The following MAP3K4 variants were observed in gnomAD, a reference collection of about 807,000 sequenced individuals.
MAP3K4 encodes mitogen-activated protein kinase kinase kinase 4.
Under a neutral mutation model 185.6 loss-of-function variants are expected in MAP3K4, and 67 were observed. The observed-to-expected ratio is 0.36, with a 90% CI of 0.30 to 0.44. The LOEUF (loss-of-function observed/expected upper bound fraction) is 0.44. Ranked by LOEUF, MAP3K4 falls within the 20% of genes least tolerant of loss-of-function variation. The pLI, the probability that MAP3K4 is intolerant of heterozygous loss-of-function variation, is 1.00. For synonymous variants in MAP3K4, 702 were observed against 710.4 expected (o/e 0.99, Z 0.19); for missense variants, 1,551 against 1,995.1 (o/e 0.78, Z 4.24).
chr6:161,055,376 C>G (rs1784182983), intron 3 of MAP3K4, among the ~76,000 whole-genome samples: 1 of 152,142 alleles, frequency 6.6e-6, no homozygotes. Context: ...CTACTGCATA[C>G]AATTGTATTT....
Position 161,087,975 on chromosome 6 carries a change from T to C in MAP3K4, c.2823+21T>C. On this transcript the variant is annotated intron_variant, in intron 10 of 26. Transcript: ENST00000392142. This position sits in a 1 kb window ranked among gnomAD's most constrained non-coding sequence, Gnocchi z 4.9. Reference sequence around the variant, plus strand: ...TGCAGGTACAGCTCATCTCCATCTTTGCAGCAGTGTTACTTCAAGGACTTT... The same window carrying C: ...TGCAGGTACAGCTCATCTCCATCTTCGCAGCAGTGTTACTTCAAGGACTTT... The C allele has an allele frequency of 6.3e-7, 1 of 1,593,720 alleles. No individual in the cohort carries two copies. Among genetic ancestry groups the C allele is most frequent in the South Asian group, 1.1e-5 (1 of 87,068 alleles).
chr6:161,081,214 T>G (rs564544926), intron 6 of MAP3K4, among the ~76,000 whole-genome samples, 176 bp downstream of exon 6: 27 of 151,740 alleles, frequency 1.8e-4, no homozygotes, highest in African/African-American at 6.0e-4. Context: ...TCAGGGGTGA[T>G]TTTTTCCCCT....
At chr6:161,040,735 A>G (rs975785926) in intron 2 of MAP3K4, among the ~76,000 whole-genome samples, 4 of 152,248 alleles carry the variant, frequency 2.6e-5, no homozygotes. Context: ...GAACAGAGAT[A>G]GTCCCCCAAC....
rs746273586 is a variant in MAP3K4 at position 161,067,120 on chromosome 6, G to T, written c.1708-3488G>T. ...TTTTGCCAAGGTCAAGGATGTGTGCGCCTGTGACACAGCCTCAGGACGTCC... is the reference window on the plus strand; with the variant it reads ...TTTTGCCAAGGTCAAGGATGTGTGCTCCTGTGACACAGCCTCAGGACGTCC... On this transcript the variant is annotated intron_variant, in intron 3 of 26. Transcript: ENST00000392142. This position sits in a 1 kb window ranked among gnomAD's most constrained non-coding sequence, Gnocchi z 6.3. 5 of 205,660 alleles carry T rather than the reference G, an allele frequency of 2.4e-5. No individual in the cohort carries two copies. The highest frequency in any genetic ancestry group is 5.2e-5 in the Non-Finnish European group (5 of 96,646). 12.7% of individuals were successfully genotyped at this position (205,660 alleles called of 1,614,324 possible).
At position 161,116,216 on chromosome 6, in the gene MAP3K4, G is replaced by A. The variant is rs1325580837; in HGVS notation, c.4807-634G>A. Among the ~76,000 whole-genome samples, 1 of 152,048 alleles carries A rather than the reference G, an allele frequency of 6.6e-6. No individual in the cohort carries two copies. The highest frequency in any genetic ancestry group is 2.4e-5 in the African/African-American group (1 of 41,408). ...GAAGCAGCTGGGTGAGGGGTGGGTC[G>A]GGAGGTGGTGGGTCCTCTTTGGTGG... On this transcript the variant is annotated intron_variant, in intron 26 of 26. Transcript: ENST00000392142. This position sits in a 1 kb window ranked among gnomAD's most constrained non-coding sequence, Gnocchi z 6.2.
chr6:161,005,816 C>A (rs1781557137), intron 1 of MAP3K4, among the ~76,000 whole-genome samples: 1 of 152,090 alleles, frequency 6.6e-6, no homozygotes, highest in Non-Finnish European at 1.5e-5. Context: ...GAGACAGAGT[C>A]TTGCTCTGTC....
rs149051863 is a variant in MAP3K4, at chr6:161,107,945, C to T, written c.4095C>T (p.Thr1365=). 69 of 1,613,928 alleles carry T rather than the reference C, an allele frequency of 4.3e-5. No individual in the cohort carries two copies. The African/African-American group carries it at 5.7e-4, about 13-fold the overall frequency. The change falls in exon 21 of 27, where the codon ACC becomes ACT. Residue 1365 remains threonine, a synonymous_variant. Coordinates refer to ENST00000392142, the MANE Select transcript of MAP3K4 (RefSeq NM_005922.4). The surrounding 1 kb of genome is among the most constrained non-coding windows in gnomAD (Gnocchi z 6.2). ...TGTACACCTGCATCAGCGTCGACACCGGGGAGCTGATGGCCATGAAAGAGG... is the reference window on the plus strand; with the variant it reads ...TGTACACCTGCATCAGCGTCGACACTGGGGAGCTGATGGCCATGAAAGAGG... The part of the protein sequence containing the change: ...GKVYTCISVD[T]GELMAMKEIR...
chr6:161,065,402 C>G (rs914878236), intron 3 of MAP3K4, among the ~76,000 whole-genome samples: 1 of 152,164 alleles, frequency 6.6e-6, no homozygotes, highest in African/African-American at 2.4e-5. Flanking sequence ...ATATGTGTTC[C>G]TGCACTGCAC....
Position 161,086,620 on chromosome 6 carries a change from CCA to C in MAP3K4, c.2510_2511del (p.Pro837ArgfsTer2), listed in dbSNP as rs773177496. On this transcript the variant is annotated frameshift_variant, in exon 9 of 27. Coordinates refer to ENST00000392142, the MANE Select transcript of MAP3K4 (RefSeq NM_005922.4). LOFTEE classifies it high-confidence loss of function. The surrounding 1 kb of genome is among the most constrained non-coding windows in gnomAD (Gnocchi z 4.8). ...AGCAGCAGAATTCAGGCTTTCAGCCCCAGTTAGAGACCTCCTGGATGTTCTGA... is the reference window on the plus strand; with the variant it reads ...AGCAGCAGAATTCAGGCTTTCAGCCCGTTAGAGACCTCCTGGATGTTCTGA... The part of the protein sequence containing the change: ...EIAAEFRLSA[P>X]VRDLLDVLKS... 2 of 1,614,034 alleles carry C rather than the reference CCA, an allele frequency of 1.2e-6. No homozygotes were observed. The highest frequency in any genetic ancestry group is 2.2e-5 in the South Asian group (2 of 91,062).
intron 2 of MAP3K4, among the ~76,000 whole-genome samples, chr6:161,042,644 G>A (rs996852461): frequency 2.0e-5 from 3 of 152,180 alleles, no homozygotes; most frequent in African/African-American, 7.2e-5. Context: ...TGGTTTAAGA[G>A]ACAGTCAAAC....
Position 161,112,676 on chromosome 6 carries a change from G to A in MAP3K4, c.4528G>A (p.Ala1510Thr). ...NSTLGTAAYM[A>T]PEVITRAKGE... ...ATCTGTGACTTTTAAAGCATACATG[G>A]CACCTGAAGTCATCACTCGTGCCAA... is the stretch of plus-strand genomic sequence containing the variant. The change falls in exon 25 of 27, where the codon GCA becomes ACA. Residue 1510 changes from alanine to threonine, a missense_variant. Coordinates refer to ENST00000392142, the MANE Select transcript of MAP3K4 (RefSeq NM_005922.4). This position sits in a 1 kb window ranked among gnomAD's most constrained non-coding sequence, Gnocchi z 5.1. 6.3e-7 allele frequency: 1 copy of A among 1,580,724 alleles called. No individual in the cohort carries two copies. Among genetic ancestry groups the A allele is most frequent in the Non-Finnish European group, 8.6e-7 (1 of 1,166,012 alleles).
intron 3 of MAP3K4, among the ~76,000 whole-genome samples, chr6:161,050,408 C>G (rs1375360638): frequency 6.6e-6 from 1 of 152,104 alleles, no homozygotes; most frequent in Non-Finnish European, 1.5e-5. Flanking sequence ...TGTTTTCTCT[C>G]TTTTGATTAG....
rs985127719 is a variant in MAP3K4, at chr6:161,108,560, G to A, written c.4120-183G>A. 6.6e-5 allele frequency among the ~76,000 whole-genome samples: 10 copies of A among 152,230 alleles called. No homozygotes were observed. Among genetic ancestry groups the A allele is most frequent in the African/African-American group, 1.9e-4 (8 of 41,528 alleles). On this transcript the variant is annotated intron_variant, in intron 21 of 26. Transcript: ENST00000392142. This position sits in a 1 kb window ranked among gnomAD's most constrained non-coding sequence, Gnocchi z 5.7. The stretch of plus-strand genomic sequence containing the variant: ...CCTCCTCTGTGCCCGGGACCTACCC[G>A]CACTTCTATGACTTCACTCTAGCTT...
rs1777810945 is a variant in MAP3K4 at position 161,100,848 on chromosome 6, G to C, written c.3675-1044G>C. On this transcript the variant is annotated intron_variant, in intron 17 of 26. Coordinates refer to ENST00000392142, the MANE Select transcript of MAP3K4 (RefSeq NM_005922.4). The surrounding 1 kb of genome is among the most constrained non-coding windows in gnomAD (Gnocchi z 5.8). ...TTCAACACCAGTGGTTTTCCCGTCA[G>C]ATAGTGCCGAATTTTTTATGAACTA... Among the ~76,000 whole-genome samples the C allele has an allele frequency of 6.6e-6, 1 of 152,148 alleles. No individual in the cohort carries two copies. The highest frequency in any genetic ancestry group is 2.4e-5 in the African/African-American group (1 of 41,424).
intron 3 of MAP3K4, among the ~76,000 whole-genome samples, chr6:161,062,840 A>G (rs1376740159): frequency 1.3e-5 from 2 of 152,148 alleles, no homozygotes; most frequent in African/African-American, 2.4e-5. Context: ...TTTCAGATAC[A>G]TGGTGTACAC....
chr6:161,052,021 C>A (rs1784023248), intron 3 of MAP3K4, among the ~76,000 whole-genome samples: 1 of 152,100 alleles, frequency 6.6e-6, no homozygotes, highest in South Asian at 2.1e-4. Context: ...TCTGCGGATG[C>A]ATATCCCAGG....
Position 161,086,534 on chromosome 6 carries a change from A to AT in MAP3K4, c.2473-43dup. ...TTTTTTCTTGTTTTTCTTTTATCTTATTTTTTTAATGCTAACCGTAAAGAA... is the reference window on the plus strand; with the variant it reads ...TTTTTTCTTGTTTTTCTTTTATCTTATTTTTTTTAATGCTAACCGTAAAGAA... On this transcript the variant is annotated intron_variant, in intron 8 of 26. Transcript: ENST00000392142. This position sits in a 1 kb window ranked among gnomAD's most constrained non-coding sequence, Gnocchi z 4.8. The AT allele has an allele frequency of 6.2e-7, 1 of 1,600,506 alleles. No individual in the cohort carries two copies. The highest frequency in any genetic ancestry group is 8.5e-7 in the Non-Finnish European group (1 of 1,171,152).
rs553639775 is a variant in MAP3K4, at chr6:161,012,929, C to T, written c.152+20846C>T. 2.6e-5 allele frequency among the ~76,000 whole-genome samples: 4 copies of T among 152,222 alleles called. No homozygotes were observed. The South Asian group carries it at 8.3e-4, about 32-fold the overall frequency. On this transcript the variant is annotated intron_variant, in intron 1 of 26. Coordinates refer to ENST00000392142, the MANE Select transcript of MAP3K4 (RefSeq NM_005922.4). ...GTCCCATCATATTTCATTTTATGAG[C>T]ATACCATAGAGCTGGAAGTTACTAC...
intron 3 of MAP3K4, among the ~76,000 whole-genome samples, chr6:161,065,464 C>A (rs1784663947): frequency 6.6e-6 from 1 of 152,184 alleles, no homozygotes; most frequent in South Asian, 2.1e-4. Context: ...AATGCAAGAT[C>A]CAGGCCTTTT....
Sources: allele counts gnomAD v4.1 joint callset (sites outside exome capture counted in the v4.1 genomes callset), GRCh38; gene constraint gnomAD v4.1.1; non-coding constraint Gnocchi (gnomAD v3.1); transcripts MANE v1.5; gene names NCBI Gene and HGNC (gene_info 2026-07-23, HGNC 2026-07-21).